OSBPL11: variants seen among roughly 807,000 people sequenced by gnomAD.
OSBPL11 encodes the protein oxysterol binding protein like 11.
Under a neutral mutation model 84.4 loss-of-function variants are expected in OSBPL11, and 33 were observed. The ratio of observed to expected loss-of-function variants is 0.39; its 90% confidence interval spans 0.30 to 0.52. OSBPL11 has a LOEUF of 0.52. OSBPL11 is among the 20% of genes least tolerant of loss of function. The pLI, the probability that OSBPL11 is intolerant of heterozygous loss-of-function variation, is 0.72. For missense variants in OSBPL11, 736 were observed against 901.1 expected (o/e 0.82, Z 2.35); for synonymous variants, 276 against 310.2 (o/e 0.89, Z 1.16).
chr3:125,537,115 G>A (rs1401925871), intron 11 of OSBPL11, among the ~76,000 whole-genome samples: 1 of 138,514 alleles, frequency 7.2e-6, no homozygotes, highest in African/African-American at 2.8e-5. Flanking sequence ...AGCCGAGATC[G>A]CCCGACCACA....
chr3:125,550,970 G>A (rs1935897517), intron 9 of OSBPL11, among the ~76,000 whole-genome samples: 1 of 151,812 alleles, frequency 6.6e-6, no homozygotes, highest in Admixed American at 6.6e-5. Flanking sequence ...GACCAGCCTG[G>A]GCAACATATT....
chr3:125,581,766 A>T (rs969321090), intron 2 of OSBPL11, among the ~76,000 whole-genome samples: 1 of 150,652 alleles, frequency 6.6e-6, no homozygotes, highest in African/African-American at 2.4e-5. Flanking sequence ...TGAATCCAGG[A>T]GTTCGAGACC....
intron 6 of OSBPL11, among the ~76,000 whole-genome samples, chr3:125,565,992 T>C (rs753268911): frequency 4.6e-5 from 7 of 152,150 alleles, no homozygotes; most frequent in African/African-American, 1.7e-4. Flanking sequence ...CTTTTGGTAG[T>C]AGCACCCTAC....
intron 4 of OSBPL11, among the ~76,000 whole-genome samples, chr3:125,577,399 C>A (rs111933362): frequency 1.3e-5 from 2 of 152,076 alleles, no homozygotes; most frequent in Non-Finnish European, 2.9e-5. Context: ...AATAAGCACA[C>A]GAAAAGGTGC....
At chr3:125,579,806 C>A in intron 3 of OSBPL11, 59 bp downstream of exon 3, 1 of 1,505,362 alleles carries the variant, frequency 6.6e-7, no homozygotes, top group Non-Finnish European at 9.2e-7. Flanking sequence ...GCATGTAAGA[C>A]ACCAACTTCT....
At chr3:125,543,548 T>C (rs557048648) in intron 10 of OSBPL11, among the ~76,000 whole-genome samples, 112 of 152,288 alleles carry the variant, frequency 7.4e-4, no homozygotes, top group Non-Finnish European at 1.3e-3. Context: ...AAAGCTCTAG[T>C]TTCATTGGAA....
At chr3:125,535,384 A>G (rs2107586571) in intron 11 of OSBPL11, among the ~76,000 whole-genome samples, 1 of 151,594 alleles carries the variant, frequency 6.6e-6, no homozygotes, top group South Asian at 2.1e-4. Flanking sequence ...TCCCTCATGT[A>G]TATAGAAACT....
rs1935929998 is a variant in OSBPL11, at chr3:125,552,598, T to A, written c.1237A>T (p.Ile413Leu). 6.2e-7 allele frequency: 1 copy of A among 1,614,064 alleles called. No individual in the cohort carries two copies. The highest frequency in any genetic ancestry group is 8.5e-7 in the Non-Finnish European group (1 of 1,180,020). Reference sequence around the variant, plus strand: ...GCTGTGGCTCCATTAGTGATGGCTATAAATAGGTCTGGATGAGACATAAAG... The same window carrying A: ...GCTGTGGCTCCATTAGTGATGGCTAAAAATAGGTCTGGATGAGACATAAAG... Reference protein sequence around the residue: ...ADFMSHPDLFIAITNGATAED... With the variant: ...ADFMSHPDLFLAITNGATAED... The change falls in exon 9 of 13, where the codon ATA (isoleucine) becomes TTA (leucine). Residue 413 changes from isoleucine (I) to leucine (L), a missense_variant. Transcript: ENST00000296220.
Position 125,579,950 on chromosome 3 carries a change from A to C in OSBPL11, c.324T>G (p.Leu108=), listed in dbSNP as rs766382106. The C allele has an allele frequency of 3.7e-6, 6 of 1,614,182 alleles. No individual in the cohort carries two copies. The Admixed American group carries it at 1.0e-4, about 27-fold the overall frequency. The change falls in exon 3 of 13, where the codon CTT becomes CTG. Residue 108 remains leucine (L), a synonymous_variant. Coordinates refer to ENST00000296220, the MANE Select transcript of OSBPL11 (RefSeq NM_022776.5). ...CACTGGGTGATATTACAGCTCCTGCAAGCTGCAAAGTTCCTCTAGGTTTCT... is the reference window on the plus strand; with the variant it reads ...CACTGGGTGATATTACAGCTCCTGCCAGCTGCAAAGTTCCTCTAGGTTTCT... The part of the protein sequence containing the change: ...RNQKPRGTLQ[L]AGAVISPSDE...
chr3:125,548,744 T>G (rs1935856074), intron 9 of OSBPL11, among the ~76,000 whole-genome samples: 2 of 152,142 alleles, frequency 1.3e-5, no homozygotes, highest in South Asian at 4.1e-4. Context: ...TAAATGCTCG[T>G]TAAGCACTCA....
intron 11 of OSBPL11, among the ~76,000 whole-genome samples, chr3:125,532,944 G>A (rs888739716): frequency 6.6e-6 from 1 of 151,576 alleles, no homozygotes; most frequent in Admixed American, 6.6e-5. Flanking sequence ...AGGCATAAGA[G>A]ATCACACATT....
At chr3:125,564,541 G>A (rs1462744374) in intron 6 of OSBPL11, among the ~76,000 whole-genome samples, 1 of 151,978 alleles carries the variant, frequency 6.6e-6, no homozygotes, top group Non-Finnish European at 1.5e-5. Flanking sequence ...AATGGAAAAT[G>A]TTCCATTTGA....
At chr3:125,562,744 T>C (rs1936096685) in intron 7 of OSBPL11, among the ~76,000 whole-genome samples, 1 of 152,116 alleles carries the variant, frequency 6.6e-6, no homozygotes, top group Non-Finnish European at 1.5e-5. Flanking sequence ...CTGACCAACA[T>C]GGAGAAACCC....
chr3:125,552,361 A>G lies in OSBPL11; in HGVS notation c.1474T>C (p.Leu492=), dbSNP rs757443297. The G allele has an allele frequency of 6.2e-7, 1 of 1,614,126 alleles. No homozygotes were observed. Among genetic ancestry groups the G allele is most frequent in the Non-Finnish European group, 8.5e-7 (1 of 1,180,030 alleles). ...TNHAPLSGES[L]TQVGSDCYTV... ...TAACAGTCTGATCCCACCTGGGTCAAAGACTCCCCCGATAAAGGAGCATGA... is the reference window on the plus strand; with the variant it reads ...TAACAGTCTGATCCCACCTGGGTCAGAGACTCCCCCGATAAAGGAGCATGA... The change falls in exon 9 of 13, where the codon TTG becomes CTG. Residue 492 remains leucine, a synonymous_variant. Coordinates refer to ENST00000296220, the MANE Select transcript of OSBPL11 (RefSeq NM_022776.5).
intron 8 of OSBPL11, among the ~76,000 whole-genome samples, chr3:125,552,896 T>C (rs1296658640): frequency 6.6e-6 from 1 of 152,316 alleles, no homozygotes; most frequent in African/African-American, 2.4e-5. Context: ...GTTGGGAGGA[T>C]TGTTTCAGCA....
chr3:125,543,123 GATT>G (rs778902269), intron 10 of OSBPL11, among the ~76,000 whole-genome samples: 72 of 128,126 alleles, frequency 5.6e-4, no homozygotes, highest in African/African-American at 2.1e-3. Context: ...GGGCTAGTAA[GATT>G]TTTTTTTTTT....
At chr3:125,555,256 C>T (rs551918242) in intron 8 of OSBPL11, among the ~76,000 whole-genome samples, 1 of 152,310 alleles carries the variant, frequency 6.6e-6, no homozygotes, top group East Asian at 1.9e-4. Flanking sequence ...CTGAAAGCTG[C>T]ACTGCTGGCT....
At chr3:125,594,565 C>A (rs555812599) in intron 1 of OSBPL11, 72 bp downstream of exon 1, 4 of 1,511,532 alleles carry the variant, frequency 2.6e-6, no homozygotes, top group East Asian at 2.3e-5. Flanking sequence ...TCAACAATTG[C>A]GGGATGCAGC....
rs1409213286 is a variant in OSBPL11 at position 125,594,870 on chromosome 3, T to A, written c.-70A>T. On this transcript the variant is annotated 5_prime_UTR_variant, in exon 1 of 13. Coordinates refer to ENST00000296220, the MANE Select transcript of OSBPL11 (RefSeq NM_022776.5). ...ATTCTGTAGTTCTGTAGGTGACTTTTTTTTTTTAAGATTTGATCTGAATAT... is the reference window on the plus strand; with the variant it reads ...ATTCTGTAGTTCTGTAGGTGACTTTATTTTTTTAAGATTTGATCTGAATAT... 6 of 1,496,980 alleles carry A rather than the reference T, an allele frequency of 4.0e-6. No homozygotes were observed. Among genetic ancestry groups the A allele is most frequent in the Non-Finnish European group, 5.4e-6 (6 of 1,111,718 alleles). 92.7% of individuals were successfully genotyped at this position (1,496,980 alleles called of 1,614,324 possible).
Sources: allele counts gnomAD v4.1 joint callset (sites outside exome capture counted in the v4.1 genomes callset), GRCh38; gene constraint gnomAD v4.1.1; transcripts MANE v1.5; gene names NCBI Gene and HGNC (gene_info 2026-07-23, HGNC 2026-07-21).